The following GOLGA8A variants were observed in gnomAD, a reference collection of about 807,000 sequenced individuals.
GOLGA8A encodes golgin subfamily A member 8A.
GOLGA8A carries 3 observed loss-of-function variants against 22.1 expected under a neutral mutation model. That is an observed-to-expected ratio of 0.14 (90% CI 0.06 to 0.35). The LOEUF is 0.35. Ranked by LOEUF, GOLGA8A falls within the 10% of genes least tolerant of loss-of-function variation. The probability of loss-of-function intolerance (pLI) is 1.00; values close to 1 mark genes in which losing one functional copy is unlikely to be tolerated. For missense variants in GOLGA8A, 16 were observed against 233.2 expected, an observed-to-expected ratio of 0.07 and a Z score of 6.07; for synonymous variants, 7 against 91.7, an observed-to-expected ratio of 0.08 and a Z score of 5.28.
In GOLGA8A at chr15:34,399,137, T is replaced by G. The variant is rs576971910; in HGVS notation, c.-478+18A>C. The G allele has an allele frequency of 4.3e-3, 627 of 147,436 alleles. 11 individuals are homozygous for G. Among genetic ancestry groups the G allele is most frequent in the African/African-American group, 0.014 (559 of 40,170 alleles). 9.1% of individuals were successfully genotyped at this position (147,436 alleles called of 1,614,324 possible). ...CTCTATTGAGGGTGAAAATTGAGTA[T>G]TATAAGAAAATAATCACCTGTTTTG... On this transcript the variant is annotated intron_variant, in intron 7 of 24. Coordinates refer to ENST00000359187, the MANE Select transcript of GOLGA8A (RefSeq NM_181077.5).
intron 2 of GOLGA8A, among the ~76,000 whole-genome samples, chr15:34,427,593 T>C (rs1893039926): frequency 6.7e-6 from 1 of 148,360 alleles, no homozygotes; most frequent in Non-Finnish European, 1.5e-5. Flanking sequence ...CAGCTTTTCC[T>C]TGGATTCCTA....
At chr15:34,437,113 G>A (rs546723281) in intron 1 of GOLGA8A, among the ~76,000 whole-genome samples, 3 of 147,574 alleles carry the variant, frequency 2.0e-5, no homozygotes, top group Non-Finnish European at 4.5e-5. Flanking sequence ...TCGCCGCGGT[G>A]AGCCCCTCCC....
At chr15:34,431,236 C>G (rs1167183537) in intron 2 of GOLGA8A, among the ~76,000 whole-genome samples, 2 of 124,780 alleles carry the variant, frequency 1.6e-5, no homozygotes, top group African/African-American at 5.7e-5. Flanking sequence ...ATATTTAGAG[C>G]TGCCTTGCTG....
intron 2 of GOLGA8A, chr15:34,419,730 GCAAA>G (rs1410813407): frequency 2.5e-5 from 2 of 79,122 alleles, no homozygotes; most frequent in Non-Finnish European, 4.8e-5. Flanking sequence ...GGGATGAACG[GCAAA>G]CAAAGTGTGG....
chr15:34,434,653 G>T (rs1893413903), intron 2 of GOLGA8A, among the ~76,000 whole-genome samples: 1 of 149,002 alleles, frequency 6.7e-6, no homozygotes. Context: ...CTCCCTGTGG[G>T]CGCTCGGGCC....
intron 2 of GOLGA8A, among the ~76,000 whole-genome samples, chr15:34,434,952 G>C (rs554143702): frequency 6.7e-6 from 1 of 149,780 alleles, no homozygotes; most frequent in African/African-American, 2.5e-5. Flanking sequence ...CTGCAAGGCA[G>C]GGCATGTGAT....
At position 34,426,795 on chromosome 15, in the gene GOLGA8A, G is replaced by C. The variant is rs553715834; in HGVS notation, c.-1123+8588C>G. 6.3e-5 allele frequency among the ~76,000 whole-genome samples: 9 copies of C among 143,778 alleles called. 1 individual carries two copies. Among genetic ancestry groups the C allele is most frequent in the Non-Finnish European group, 1.2e-4 (8 of 65,514 alleles). 94.3% of individuals were successfully genotyped at this position (143,778 alleles called of 152,430 possible). A position where few individuals can be genotyped will look rare whatever the true frequency, so the allele number is the denominator to read the frequency against. On this transcript the variant is annotated intron_variant, in intron 2 of 24. Transcript: ENST00000359187. ...ACAGTGGCATGTACCTGTAGTCCCA[G>C]CTACTCAGGAGACCGAGGCAGGAGG... is the stretch of plus-strand genomic sequence containing the variant.
intron 4 of GOLGA8A, among the ~76,000 whole-genome samples, chr15:34,405,642 CCA>C (rs1448219159): frequency 7.1e-5 from 10 of 141,086 alleles, no homozygotes; most frequent in African/African-American, 2.5e-4. Context: ...TTCTGTGTTC[CCA>C]CAGTTAGGTG....
At chr15:34,402,944 G>A (rs1182062204) in intron 5 of GOLGA8A, among the ~76,000 whole-genome samples, 1 of 86,194 alleles carries the variant, frequency 1.2e-5, no homozygotes, top group African/African-American at 5.3e-5. Context: ...AAAAAATTTC[G>A]ATGGACCTAT....
rs1893548202 is a variant in GOLGA8A at position 34,436,938 on chromosome 15, T to C, written c.-1212+460A>G. ...CCGGGCTCGAGTTCTCCCAGGGAAG[T>C]GAACCCAGAGGCGATCCCAAACTCA... On this transcript the variant is annotated intron_variant, in intron 1 of 24. Coordinates refer to ENST00000359187, the MANE Select transcript of GOLGA8A (RefSeq NM_181077.5). Among the ~76,000 whole-genome samples, 2 of 149,442 alleles carry C rather than the reference T, an allele frequency of 1.3e-5. 1 individual carries two copies. Among genetic ancestry groups the C allele is most frequent in the South Asian group, 4.3e-4 (2 of 4,676 alleles).
At chr15:34,435,697 CCAGA>C (rs1336595736) in intron 1 of GOLGA8A, among the ~76,000 whole-genome samples, 3 of 148,730 alleles carry the variant, frequency 2.0e-5, no homozygotes, top group African/African-American at 7.5e-5. Flanking sequence ...AGCCCAAGAG[CCAGA>C]CAGTGGGGAG....
In GOLGA8A at chr15:34,381,135, C is replaced by T. The variant is rs1595633017; in HGVS notation, c.*276G>A. On this transcript the variant is annotated 3_prime_UTR_variant, in exon 25 of 25. Transcript: ENST00000359187. ...TCTTTGTGTGTTTGAACTCCCACCA[C>T]GTAAGGGCAAACTCGATATGCATGC... The T allele has an allele frequency of 3.9e-6, 2 of 518,116 alleles. No homozygotes were observed. The highest frequency in any genetic ancestry group is 7.0e-6 in the Non-Finnish European group (2 of 285,702). The allele number at this position is 518,116 out of a possible 1,614,324, so 32.1% of individuals were successfully genotyped here. A position where few individuals can be genotyped will look rare whatever the true frequency, so the allele number is the denominator to read the frequency against.
intron 2 of GOLGA8A, chr15:34,418,957 T>G (rs1273903389): frequency 7.3e-6 from 1 of 137,834 alleles, no homozygotes; most frequent in Non-Finnish European, 1.5e-5. Context: ...CAGGCTGGAG[T>G]GCAATGGTGT....
chr15:34,427,176 C>G (rs1595665753), intron 2 of GOLGA8A, among the ~76,000 whole-genome samples: 1 of 146,998 alleles, frequency 6.8e-6, no homozygotes, highest in African/African-American at 2.5e-5. Context: ...ACTAAAAATA[C>G]AAAAGTTAGC....
chr15:34,432,953 C>T (rs1003253506), intron 2 of GOLGA8A, among the ~76,000 whole-genome samples: 5 of 148,828 alleles, frequency 3.4e-5, no homozygotes, highest in African/African-American at 1.2e-4. Flanking sequence ...TATTGCATCT[C>T]GTCTGTGCCT....
chr15:34,432,658 G>A (rs113625124), intron 2 of GOLGA8A, among the ~76,000 whole-genome samples: 6 of 149,306 alleles, frequency 4.0e-5, no homozygotes, highest in Admixed American at 1.4e-4. Flanking sequence ...GAGTGTTTCC[G>A]TTTCCAGACA....
rs1156499297 is a variant in GOLGA8A, at chr15:34,413,074, G to A, written c.-1122-5339C>T. ...GGTGTTTAATGGGTGCAGAGGTTCC[G>A]TTGTGAAGATGGAAAAGTTCTGGAG... On this transcript the variant is annotated intron_variant, in intron 2 of 24. Coordinates refer to ENST00000359187, the MANE Select transcript of GOLGA8A (RefSeq NM_181077.5). Among the ~76,000 whole-genome samples, 5 of 38,638 alleles carry A rather than the reference G, an allele frequency of 1.3e-4. 1 individual carries two copies. The highest frequency in any genetic ancestry group is 2.6e-4 in the Admixed American group (1 of 3,774). 25.3% of individuals were successfully genotyped at this position (38,638 alleles called of 152,430 possible). A position where few individuals can be genotyped will look rare whatever the true frequency, so the allele number is the denominator to read the frequency against.
Position 34,427,914 on chromosome 15 carries a change from T to C in GOLGA8A, c.-1123+7469A>G, listed in dbSNP as rs1285127197. Among the ~76,000 whole-genome samples the C allele has an allele frequency of 1.3e-5, 2 of 148,492 alleles. 1 individual carries two copies. Among genetic ancestry groups the C allele is most frequent in the Non-Finnish European group, 3.0e-5 (2 of 66,996 alleles). ...AGTCTCTCACCATCCCCACTCCCACTGCCCGATGTGTCATGGGAAGTCTCT... is the reference window on the plus strand; with the variant it reads ...AGTCTCTCACCATCCCCACTCCCACCGCCCGATGTGTCATGGGAAGTCTCT... On this transcript the variant is annotated intron_variant, in intron 2 of 24. Transcript: ENST00000359187.
Position 34,433,391 on chromosome 15 carries a change from G to A in GOLGA8A, c.-1123+1992C>T, listed in dbSNP as rs947970656. 9.4e-5 allele frequency among the ~76,000 whole-genome samples: 14 copies of A among 149,180 alleles called. 1 individual carries two copies. The highest frequency in any genetic ancestry group is 1.6e-4 in the Non-Finnish European group (11 of 67,196). Reference sequence around the variant, plus strand: ...CTGACTTTGGCAGCAGGGACCACCCGGGTGCAGAGAACCCAAACAACTGAA... The same window carrying A: ...CTGACTTTGGCAGCAGGGACCACCCAGGTGCAGAGAACCCAAACAACTGAA... On this transcript the variant is annotated intron_variant, in intron 2 of 24. Transcript: ENST00000359187.
Sources: allele counts gnomAD v4.1 joint callset (sites outside exome capture counted in the v4.1 genomes callset), GRCh38; gene constraint gnomAD v4.1.1; transcripts MANE v1.5; gene names NCBI Gene and HGNC (gene_info 2026-07-23, HGNC 2026-07-21).